The following SHQ1 variants were observed in gnomAD, a reference collection of about 807,000 sequenced individuals.
SHQ1 encodes the protein SHQ1, H/ACA ribonucleoprotein assembly factor.
A neutral mutation model predicts 53.8 loss-of-function variants in SHQ1; 49 were observed. The ratio of observed to expected loss-of-function variants is 0.91; its 90% confidence interval spans 0.72 to 1.16. SHQ1 has a LOEUF of 1.16. Among genes scored for constraint, SHQ1 ranks in the 50% most tolerant of loss-of-function variants. The pLI, the probability that SHQ1 is intolerant of heterozygous loss-of-function variation, is 0.00. For missense variants in SHQ1, 738 were observed against 683.1 expected, an observed-to-expected ratio of 1.08 and a Z score of -0.90; for synonymous variants, 243 against 251.0, an observed-to-expected ratio of 0.97 and a Z score of 0.30.
At chr3:72,729,870 T>C in the SHQ1 span, among the ~76,000 whole-genome samples, 3 of 151,854 alleles carry the variant, frequency 2.0e-5, no homozygotes, top group Admixed American at 2.0e-4. Context: ...CAGGCTGGAG[T>C]GCAGTGGCGC....
chr3:72,832,594 C>G, intron 4 of SHQ1, 113 bp from the exon 5 acceptor site: 1 of 660,950 alleles, frequency 1.5e-6, no homozygotes, highest in South Asian at 2.0e-5. Context: ...ATCAGTAAAC[C>G]ATGATGCCAC....
chr3:72,842,934 G>A (rs1302930709), intron 2 of SHQ1, among the ~76,000 whole-genome samples: 1 of 152,132 alleles, frequency 6.6e-6, no homozygotes, highest in Non-Finnish European at 1.5e-5. Flanking sequence ...AATTAGCTGG[G>A]AGTGGTGGCA....
intron 4 of SHQ1, among the ~76,000 whole-genome samples, chr3:72,835,264 G>A (rs1195735573): frequency 1.3e-5 from 2 of 152,006 alleles, no homozygotes; most frequent in Admixed American, 1.3e-4. Flanking sequence ...ACAGTTTTCT[G>A]TACTACAGGC....
intron 9 of SHQ1, among the ~76,000 whole-genome samples, chr3:72,807,077 T>C (rs1706975890): frequency 6.6e-6 from 1 of 152,162 alleles, no homozygotes; most frequent in African/African-American, 2.4e-5. Flanking sequence ...AACAAATCAA[T>C]GAATAAATGA....
At chr3:72,795,980 G>A (rs1231962334) in intron 9 of SHQ1, among the ~76,000 whole-genome samples, 12 of 151,778 alleles carry the variant, frequency 7.9e-5, no homozygotes, top group African/African-American at 1.5e-4. Flanking sequence ...GTGCACGCCT[G>A]TAGTCCCAGC....
chr3:72,795,705 C>T (rs774401239), intron 9 of SHQ1: 5 of 152,172 alleles, frequency 3.3e-5, no homozygotes, highest in Non-Finnish European at 5.9e-5. Context: ...ACTGGAAAAA[C>T]GAACTATTCT....
At chr3:72,733,584 C>A in the SHQ1 span, among the ~76,000 whole-genome samples, 3 of 151,556 alleles carry the variant, frequency 2.0e-5, no homozygotes, top group African/African-American at 7.3e-5. Flanking sequence ...TTAGGTGTCT[C>A]ACTTTATTCC....
chr3:72,746,183 C>T (rs1412835672), downstream of SHQ1, among the ~76,000 whole-genome samples: 2 of 152,232 alleles, frequency 1.3e-5, no homozygotes, highest in South Asian at 2.1e-4. Context: ...TTGGAGTCCC[C>T]CCCTCGTGAG....
At chr3:72,821,581 G>C (rs1285194105) in intron 6 of SHQ1, among the ~76,000 whole-genome samples, 4 of 152,172 alleles carry the variant, frequency 2.6e-5, no homozygotes, top group African/African-American at 4.8e-5. Context: ...AGCAATCTAG[G>C]TTAATATTTT....
chr3:72,772,241 C>CG (rs1382978217), intron 10 of SHQ1, among the ~76,000 whole-genome samples: 4 of 151,564 alleles, frequency 2.6e-5, no homozygotes, highest in Non-Finnish European at 1.5e-5. Context: ...AAAAAAGCTC[C>CG]AGTTTATGGC....
chr3:72,800,107 A>G (rs1706739936), intron 9 of SHQ1, among the ~76,000 whole-genome samples: 1 of 152,088 alleles, frequency 6.6e-6, no homozygotes, highest in South Asian at 2.1e-4. Context: ...TACCCTCATG[A>G]ATGTTAACGA....
At chr3:72,789,980 G>A (rs896145021) in intron 10 of SHQ1, among the ~76,000 whole-genome samples, 1 of 152,192 alleles carries the variant, frequency 6.6e-6, no homozygotes, top group African/African-American at 2.4e-5. Context: ...CAGAAGACCT[G>A]ACCTATCTCT....
chr3:72,838,472 A>T (rs1445202289), intron 4 of SHQ1, among the ~76,000 whole-genome samples: 1 of 152,222 alleles, frequency 6.6e-6, no homozygotes, highest in Admixed American at 6.5e-5. Context: ...AGCTTAGAAT[A>T]ATAAACATTA....
intron 10 of SHQ1, among the ~76,000 whole-genome samples, chr3:72,752,575 G>C (rs907699522): frequency 6.6e-6 from 1 of 151,820 alleles, no homozygotes; most frequent in Non-Finnish European, 1.5e-5. Context: ...TCGCCAGGCT[G>C]GAGTGCAGTG....
chr3:72,748,329 C>CAAAAAAAAAAAAAAAAAAAAAAAAA (rs572927520), downstream of SHQ1, among the ~76,000 whole-genome samples: 16 of 58,790 alleles, frequency 2.7e-4, 2 homozygotes, highest in African/African-American at 4.7e-4. Context: ...ATGAGGCATG[C>CAAAAAAAAAAAAAAAAAAAAAAAAA]AAAAAAAAAA....
At chr3:72,828,673 C>T (rs534150256) in intron 5 of SHQ1, among the ~76,000 whole-genome samples, 223 of 151,936 alleles carry the variant, frequency 1.5e-3, no homozygotes, top group African/African-American at 4.2e-3. Flanking sequence ...CCAGCCTGGG[C>T]GACAGAGCAA....
intron 10 of SHQ1, among the ~76,000 whole-genome samples, chr3:72,787,844 G>A (rs1253789920): frequency 6.6e-6 from 1 of 152,084 alleles, no homozygotes; most frequent in Non-Finnish European, 1.5e-5. Context: ...CCTGCCAAGT[G>A]CCTGGGATTG....
intron 5 of SHQ1, among the ~76,000 whole-genome samples, chr3:72,829,079 C>CA (rs1686838405): frequency 6.6e-6 from 1 of 151,110 alleles, no homozygotes; most frequent in Admixed American, 6.6e-5. Flanking sequence ...AAAAATGGTA[C>CA]AACTTCAGGA....
chr3:72,781,095 T>C (rs1224732565), intron 10 of SHQ1, among the ~76,000 whole-genome samples: 1 of 150,708 alleles, frequency 6.6e-6, no homozygotes, highest in Non-Finnish European at 1.5e-5. Context: ...AGTCTCACTC[T>C]GTCACCCAGG....
Sources: gnomAD v4.1 joint callset for allele counts (sites outside exome capture counted in the v4.1 genomes callset) on GRCh38, gnomAD v4.1.1 for gene constraint, MANE v1.5 for transcripts, NCBI Gene and HGNC (gene_info 2026-07-23, HGNC 2026-07-21) for gene names.